POLR2D: variants seen among roughly 807,000 people sequenced by gnomAD.
POLR2D encodes the protein RNA polymerase II subunit D.
POLR2D carries 10 observed loss-of-function variants against 17.6 expected under a neutral mutation model. The ratio of observed to expected loss-of-function variants is 0.57; its 90% CI spans 0.35 to 0.96. POLR2D has a LOEUF of 0.96. Ranked by LOEUF, POLR2D falls within the 40% of genes least tolerant of loss-of-function variation. POLR2D has a pLI of 0.02. For missense variants in POLR2D, 126 were observed against 176.4 expected (o/e 0.71, Z 1.62); for synonymous variants, 52 against 60.2 (o/e 0.86, Z 0.63).
In POLR2D at chr2:127,845,302, C is replaced by G. The variant is rs963496673; in HGVS notation, c.*2805G>C. On this transcript the variant is annotated 3_prime_UTR_variant, in exon 4 of 4. Transcript: ENST00000272645. ...CAGAGAAGACAGCATGGCCACTGCCCAAGAATGACATGCAAATTCATCAAG... is the reference window on the plus strand; with the variant it reads ...CAGAGAAGACAGCATGGCCACTGCCGAAGAATGACATGCAAATTCATCAAG... 2.0e-5 allele frequency: 3 copies of G among 150,324 alleles called. No homozygotes were observed. The highest frequency in any genetic ancestry group is 7.4e-5 in the African/African-American group (3 of 40,564). 9.3% of individuals were successfully genotyped at this position (150,324 alleles called of 1,614,324 possible). A position where few individuals can be genotyped will look rare whatever the true frequency, so the allele number is the denominator to read the frequency against.
rs1690120696 is a variant in POLR2D at position 127,844,600 on chromosome 2, C to A, written c.*3507G>T. 6.6e-6 allele frequency: 1 copy of A among 152,200 alleles called. No homozygotes were observed. The highest frequency in any genetic ancestry group is 2.4e-5 in the African/African-American group (1 of 41,448). 9.4% of individuals were successfully genotyped at this position (152,200 alleles called of 1,614,324 possible). A position where few individuals can be genotyped will look rare whatever the true frequency, so the allele number is the denominator to read the frequency against. On this transcript the variant is annotated 3_prime_UTR_variant, in exon 4 of 4. Coordinates refer to ENST00000272645, the MANE Select transcript of POLR2D (RefSeq NM_004805.4). ...GCAGAATAGCTGACCAGGCTTTCAA[C>A]CTACAACAGCATGAGGTTGCTTTAC...
rs1690246755 is a variant in POLR2D at position 127,851,155 on chromosome 2, G to A, written c.255-470C>T. On this transcript the variant is annotated intron_variant, in intron 2 of 3. Transcript: ENST00000272645. The stretch of plus-strand genomic sequence containing the variant: ...TGCTTGAACCCGGGAGGCGGAGGCT[G>A]CAGTGAGCCAAGATCACGCCACTGC... Among the ~76,000 whole-genome samples, 3 of 152,166 alleles carry A rather than the reference G, an allele frequency of 2.0e-5. No individual in the cohort carries two copies. In the South Asian group the frequency reaches 6.2e-4, roughly 32 times the overall value.
chr2:127,851,083 C>T (rs1690245246), intron 2 of POLR2D, among the ~76,000 whole-genome samples: 2 of 151,930 alleles, frequency 1.3e-5, no homozygotes. Flanking sequence ...TAGCTGGGTG[C>T]AGTGGCGGGC....
rs1217565128 is a variant in POLR2D, at chr2:127,846,088, C to T, written c.*2019G>A. 1.3e-5 allele frequency: 2 copies of T among 152,076 alleles called. No homozygotes were observed. 9.4% of individuals were successfully genotyped at this position (152,076 alleles called of 1,614,324 possible). A position where few individuals can be genotyped will look rare whatever the true frequency, so the allele number is the denominator to read the frequency against. ...CGAACGTGGTGAAACCCTGTCTCTA[C>T]TAAAAACACAAAAAATTAGCCAGGC... On this transcript the variant is annotated 3_prime_UTR_variant, in exon 4 of 4. Transcript: ENST00000272645.
rs777176390 is a variant in POLR2D, at chr2:127,846,300, G to A, written c.*1807C>T. 2 of 152,016 alleles carry A rather than the reference G, an allele frequency of 1.3e-5. No individual in the cohort carries two copies. Among genetic ancestry groups the A allele is most frequent in the East Asian group, 1.9e-4 (1 of 5,194 alleles). 9.4% of individuals were successfully genotyped at this position (152,016 alleles called of 1,614,324 possible). A position where few individuals can be genotyped will look rare whatever the true frequency, so the allele number is the denominator to read the frequency against. On this transcript the variant is annotated 3_prime_UTR_variant, in exon 4 of 4. Transcript: ENST00000272645. The stretch of plus-strand genomic sequence containing the variant: ...GAATTTTTTATTCTTGCCTTATTTC[G>A]TAGCAAACATAAAACCATCCTGATT...
At position 127,844,389 on chromosome 2, in the gene POLR2D, G is replaced by C. The variant is rs1304019225; in HGVS notation, c.*3718C>G. On this transcript the variant is annotated 3_prime_UTR_variant, in exon 4 of 4. Coordinates refer to ENST00000272645, the MANE Select transcript of POLR2D (RefSeq NM_004805.4). ...CAGAAAGACTTATCTGGTTAATTTA[G>C]CTTTCTGGTGAAGTGAGGGTTTGAC... 2.6e-5 allele frequency: 4 copies of C among 152,192 alleles called. No individual in the cohort carries two copies. Among genetic ancestry groups the C allele is most frequent in the African/African-American group, 7.2e-5 (3 of 41,440 alleles). 9.4% of individuals were successfully genotyped at this position (152,192 alleles called of 1,614,324 possible). A position where few individuals can be genotyped will look rare whatever the true frequency, so the allele number is the denominator to read the frequency against.
At chr2:127,849,835 C>T (rs1690221096) in intron 3 of POLR2D, among the ~76,000 whole-genome samples, 1 of 152,052 alleles carries the variant, frequency 6.6e-6, no homozygotes, top group African/African-American at 2.4e-5. Context: ...CACTTGAGGC[C>T]AGAAGTTTGA....
In POLR2D at chr2:127,847,906, G is replaced by GGCT. The variant is rs1212287297; in HGVS notation, c.*198_*200dup. On this transcript the variant is annotated 3_prime_UTR_variant, in exon 4 of 4. Transcript: ENST00000272645. ...GAAGCCACTGGCTGCCACTGCACAA[G>GGCT]GCTGCTCCAAGATTCCATGTCACCT... is the stretch of plus-strand genomic sequence containing the variant. 3.3e-5 allele frequency: 20 copies of GGCT among 601,030 alleles called. No individual in the cohort carries two copies. The highest frequency in any genetic ancestry group is 5.1e-5 in the Non-Finnish European group (17 of 335,646). The allele number at this position is 601,030 out of a possible 1,614,324, so 37.2% of individuals were successfully genotyped here.
At chr2:127,849,585 C>T (rs1690213564) in intron 3 of POLR2D, among the ~76,000 whole-genome samples, 1 of 152,188 alleles carries the variant, frequency 6.6e-6, no homozygotes, top group Non-Finnish European at 1.5e-5. Context: ...TATCCTTCTG[C>T]AATTTTTTTC....
At chr2:127,850,070 G>A (rs548623652) in intron 3 of POLR2D, among the ~76,000 whole-genome samples, 9 of 152,168 alleles carry the variant, frequency 5.9e-5, no homozygotes, top group East Asian at 5.8e-4. Flanking sequence ...TACCATCAGC[G>A]TACAGAAGTT....
intron 1 of POLR2D, among the ~76,000 whole-genome samples, chr2:127,855,847 T>C (rs554813110): frequency 1.3e-5 from 2 of 152,214 alleles, no homozygotes; most frequent in African/African-American, 4.8e-5. Context: ...CAAAAGGAAA[T>C]AGATCAGGGG....
Position 127,852,720 on chromosome 2 carries a change from A to G in POLR2D, c.254+205T>C, listed in dbSNP as rs972256939. The stretch of plus-strand genomic sequence containing the variant: ...TTTTTAGCAGAGACGGGTTTTTGCT[A>G]TATCGACCAGGCTGGTCTTGAACAC... On this transcript the variant is annotated intron_variant, in intron 2 of 3. Coordinates refer to ENST00000272645, the MANE Select transcript of POLR2D (RefSeq NM_004805.4). The surrounding 1 kb of genome is among the most constrained non-coding windows in gnomAD (Gnocchi z 4.0). 6.6e-6 allele frequency among the ~76,000 whole-genome samples: 1 copy of G among 152,134 alleles called. No individual in the cohort carries two copies. Among genetic ancestry groups the G allele is most frequent in the African/African-American group, 2.4e-5 (1 of 41,420 alleles).
At position 127,844,357 on chromosome 2, in the gene POLR2D, A is replaced by C. The variant is rs1032010329; in HGVS notation, c.*3750T>G. ...AGCGCAGGAACAAACTAAGACACTA[A>C]AACTTTCAGAAAGACTTATCTGGTT... On this transcript the variant is annotated 3_prime_UTR_variant, in exon 4 of 4. Coordinates refer to ENST00000272645, the MANE Select transcript of POLR2D (RefSeq NM_004805.4). The C allele has an allele frequency of 6.6e-6, 1 of 152,180 alleles. No homozygotes were observed. Among genetic ancestry groups the C allele is most frequent in the Non-Finnish European group, 1.5e-5 (1 of 68,032 alleles). The allele number at this position is 152,180 out of a possible 1,614,324, so 9.4% of individuals were successfully genotyped here.
intron 1 of POLR2D, among the ~76,000 whole-genome samples, chr2:127,854,345 C>T (rs1266500047): frequency 6.6e-6 from 1 of 152,186 alleles, no homozygotes; most frequent in Non-Finnish European, 1.5e-5. Flanking sequence ...TAGTTTTTAT[C>T]TGCCTTTCTC....
chr2:127,857,675 AGGTTCT>A, intron 1 of POLR2D: 1 of 402,350 alleles, frequency 2.5e-6, no homozygotes, highest in African/African-American at 2.1e-5. Flanking sequence ...AAACGCCCAG[AGGTTCT>A]GTACTAATCG....
intron 1 of POLR2D, among the ~76,000 whole-genome samples, chr2:127,854,192 G>T (rs908930986): frequency 3.3e-5 from 5 of 152,092 alleles, no homozygotes; most frequent in African/African-American, 1.2e-4. Flanking sequence ...GAAACCCATG[G>T]CCCCTTTTCA....
At chr2:127,853,240 T>G in intron 1 of POLR2D, 135 bp from the exon 2 acceptor site, 3 of 690,344 alleles carry the variant, frequency 4.3e-6, no homozygotes, top group South Asian at 1.9e-5. Context: ...TGCTTTTTTT[T>G]GAACTTTTAT....
chr2:127,850,273 T>C (rs1048946363), intron 3 of POLR2D, among the ~76,000 whole-genome samples: 2 of 151,726 alleles, frequency 1.3e-5, no homozygotes, highest in African/African-American at 2.4e-5. Flanking sequence ...ATACCCCATC[T>C]CTACTAAAAA....
intron 1 of POLR2D, among the ~76,000 whole-genome samples, chr2:127,855,116 G>A (rs1358455121): frequency 6.6e-6 from 1 of 152,044 alleles, no homozygotes; most frequent in African/African-American, 2.4e-5. Flanking sequence ...TGCCTCCCAG[G>A]CTAAGCGCAG....
Sources: gnomAD v4.1 joint callset for allele counts (sites outside exome capture counted in the v4.1 genomes callset) on GRCh38, gnomAD v4.1.1 for gene constraint, Gnocchi (gnomAD v3.1) non-coding constraint, MANE v1.5 for transcripts, NCBI Gene and HGNC (gene_info 2026-07-23, HGNC 2026-07-21) for gene names.